The following NLGN1 variants were observed in gnomAD, a reference collection of about 807,000 sequenced individuals.
NLGN1 encodes neuroligin-1.
A neutral mutation model predicts 65.5 loss-of-function variants in NLGN1; 12 were observed. That is an observed-to-expected ratio of 0.18 (90% CI 0.12 to 0.30). NLGN1 has a LOEUF of 0.30. Ranked by LOEUF, NLGN1 falls within the 10% of genes least tolerant of loss-of-function variation. NLGN1 has a pLI of 1.00. For missense variants in NLGN1, 750 were observed against 1,007.1 expected, an observed-to-expected ratio of 0.74 and a Z score of 3.46; for synonymous variants, 350 against 359.5, an observed-to-expected ratio of 0.97 and a Z score of 0.30.
At chr3:173,985,252 T>C (rs1719641215) in intron 4 of NLGN1, among the ~76,000 whole-genome samples, 1 of 152,210 alleles carries the variant, frequency 6.6e-6, no homozygotes, top group Admixed American at 6.5e-5. Flanking sequence ...AATTTGAACC[T>C]TTTTGCTTTC....
chr3:173,408,057 ATTC>A (rs1226494890), intron 1 of NLGN1, among the ~76,000 whole-genome samples: 7 of 152,100 alleles, frequency 4.6e-5, no homozygotes, highest in African/African-American at 1.7e-4. Context: ...AAATGAGAAG[ATTC>A]TTCTTATCAT....
At chr3:173,868,837 A>G (rs1021880142) in intron 4 of NLGN1, among the ~76,000 whole-genome samples, 3 of 152,122 alleles carry the variant, frequency 2.0e-5, no homozygotes, top group African/African-American at 7.2e-5. Flanking sequence ...TCTCTAGTTG[A>G]GCTTAAACCC....
chr3:173,779,969 G>A (rs1780877114), intron 3 of NLGN1, among the ~76,000 whole-genome samples: 2 of 151,918 alleles, frequency 1.3e-5, no homozygotes, highest in South Asian at 4.1e-4. Flanking sequence ...TTTGTCAGTT[G>A]TCTTTGCCAG....
At chr3:174,044,619 G>A (rs569282079) in intron 4 of NLGN1, among the ~76,000 whole-genome samples, 33 of 151,870 alleles carry the variant, frequency 2.2e-4, no homozygotes, top group African/African-American at 6.8e-4. Flanking sequence ...TTCATTTTCC[G>A]TATCACTATC....
At chr3:173,473,689 C>T (rs1034641264) in intron 2 of NLGN1, among the ~76,000 whole-genome samples, 2 of 152,092 alleles carry the variant, frequency 1.3e-5, no homozygotes, top group Admixed American at 6.6e-5. Context: ...TATAATAAAA[C>T]AATACGTTAT....
intron 4 of NLGN1, among the ~76,000 whole-genome samples, chr3:174,206,851 G>A (rs1735515283): frequency 1.3e-5 from 2 of 152,098 alleles, no homozygotes; most frequent in Non-Finnish European, 2.9e-5. Context: ...AAAACCCAGC[G>A]CAGGGTCTGG....
At chr3:173,917,281 A>G (rs1472113869) in intron 4 of NLGN1, among the ~76,000 whole-genome samples, 3 of 152,324 alleles carry the variant, frequency 2.0e-5, no homozygotes, top group Non-Finnish European at 1.5e-5. Context: ...CTTTCTCTGG[A>G]TTGATACTTT....
At chr3:173,845,821 T>TAA (rs1725677507) in intron 4 of NLGN1, among the ~76,000 whole-genome samples, 1 of 152,212 alleles carries the variant, frequency 6.6e-6, no homozygotes, top group Non-Finnish European at 1.5e-5. Flanking sequence ...TAGATTTTTT[T>TAA]CAATAATACT....
intron 4 of NLGN1, among the ~76,000 whole-genome samples, chr3:174,127,155 C>A (rs1341285345): frequency 6.6e-6 from 1 of 152,100 alleles, no homozygotes; most frequent in Non-Finnish European, 1.5e-5. Flanking sequence ...ACTCATCAAG[C>A]TTAATATCTT....
At chr3:174,187,511 G>C (rs1042254990) in intron 4 of NLGN1, among the ~76,000 whole-genome samples, 32 of 152,076 alleles carry the variant, frequency 2.1e-4, no homozygotes, top group African/African-American at 7.0e-4. Flanking sequence ...TCAGAGTTTA[G>C]AGAGATAATG....
At chr3:174,276,091 A>AAAAG (rs1406765822) in intron 5 of NLGN1, among the ~76,000 whole-genome samples, 28 of 151,898 alleles carry the variant, frequency 1.8e-4, no homozygotes, top group African/African-American at 5.6e-4. Flanking sequence ...CTTTTGATTA[A>AAAAG]AAAGAAAAAT....
At chr3:173,679,861 C>T (rs1422318496) in intron 3 of NLGN1, among the ~76,000 whole-genome samples, 6 of 151,952 alleles carry the variant, frequency 3.9e-5, no homozygotes, top group Admixed American at 2.0e-4. Flanking sequence ...ATGAATGAGA[C>T]GTGGAAACCC....
chr3:173,831,618 A>G (rs1220415549), intron 4 of NLGN1, among the ~76,000 whole-genome samples: 1 of 152,216 alleles, frequency 6.6e-6, no homozygotes, highest in Non-Finnish European at 1.5e-5. Flanking sequence ...TACTTTCTAC[A>G]AAGTGCCATA....
At chr3:173,939,585 T>C (rs1241191321) in intron 4 of NLGN1, among the ~76,000 whole-genome samples, 1 of 152,220 alleles carries the variant, frequency 6.6e-6, no homozygotes, top group Non-Finnish European at 1.5e-5. Context: ...GTGATAGGAT[T>C]GTCAAAACAG....
chr3:173,924,249 T>A (rs1051591597), intron 4 of NLGN1, among the ~76,000 whole-genome samples: 5 of 152,142 alleles, frequency 3.3e-5, no homozygotes, highest in African/African-American at 1.2e-4. Context: ...GGAATTTTTT[T>A]AAATTTAAAT....
At chr3:174,194,229 C>G (rs902297519) in intron 4 of NLGN1, among the ~76,000 whole-genome samples, 5 of 152,040 alleles carry the variant, frequency 3.3e-5, no homozygotes, top group African/African-American at 9.7e-5. Flanking sequence ...GAGGCTGAGG[C>G]AGACGGATAA....
At chr3:174,208,405 G>T (rs2152786299) in intron 4 of NLGN1, among the ~76,000 whole-genome samples, 1 of 152,246 alleles carries the variant, frequency 6.6e-6, no homozygotes, top group Middle Eastern at 3.4e-3. Flanking sequence ...CACTCAAATG[G>T]CAGGTGAAGG....
At chr3:173,704,750 A>G (rs1767785059) in intron 3 of NLGN1, among the ~76,000 whole-genome samples, 1 of 152,176 alleles carries the variant, frequency 6.6e-6, no homozygotes, top group Non-Finnish European at 1.5e-5. Context: ...ACTTTCATAA[A>G]TTGCATTCCC....
chr3:174,275,014 G>A (rs1750266123), intron 4 of NLGN1, among the ~76,000 whole-genome samples: 1 of 151,782 alleles, frequency 6.6e-6, no homozygotes, highest in Admixed American at 6.6e-5. Context: ...TGAGTAGCTT[G>A]GCCCCTGGAA....
Sources: gnomAD v4.1 joint callset for allele counts (sites outside exome capture counted in the v4.1 genomes callset) on GRCh38, gnomAD v4.1.1 for gene constraint, MANE v1.5 for transcripts, NCBI Gene and HGNC (gene_info 2026-07-23, HGNC 2026-07-21) for gene names.